The following FAM131B variants were observed in gnomAD, a reference collection of about 807,000 sequenced individuals.
FAM131B encodes the protein family with sequence similarity 131 member B.
FAM131B carries 19 observed loss-of-function variants against 42.0 expected under a neutral mutation model. That is an observed-to-expected ratio of 0.45 (90% CI 0.32 to 0.66). The LOEUF is 0.66. Among genes scored for constraint, FAM131B ranks in the 30% least tolerant of loss-of-function variants. The probability of loss-of-function intolerance (pLI) is 0.05; values close to 1 mark genes in which losing one functional copy is unlikely to be tolerated. For missense variants in FAM131B, 370 were observed against 468.4 expected (o/e 0.79, Z 1.94); for synonymous variants, 183 against 177.6 (o/e 1.03, Z -0.24).
the FAM131B span, among the ~76,000 whole-genome samples, chr7:143,368,743 C>T: frequency 9.1e-4 from 139 of 152,342 alleles, no homozygotes; most frequent in South Asian, 0.028. Flanking sequence ...GATATATTTT[C>T]CTTCTGAGTT....
At chr7:143,375,397 T>C in the FAM131B span, among the ~76,000 whole-genome samples, 1 of 152,178 alleles carries the variant, frequency 6.6e-6, no homozygotes, top group African/African-American at 2.4e-5. Flanking sequence ...CTCAGGCATG[T>C]TGAGAGTCTG....
Position 143,362,654 on chromosome 7 carries a change from G to T in FAM131B, c.-51C>A, listed in dbSNP as rs887866002. Reference sequence around the variant, plus strand: ...CCTCACCGACTCGGGGCGCGCGCCGGGGGGAGCACCGGGAGCCGCGCCGCC... The same window carrying T: ...CCTCACCGACTCGGGGCGCGCGCCGTGGGGAGCACCGGGAGCCGCGCCGCC... On this transcript the variant is annotated 5_prime_UTR_variant, in exon 1 of 7. Transcript: ENST00000443739. The surrounding 1 kb of genome is among the most constrained non-coding windows in gnomAD (Gnocchi z 7.7). 430 of 1,141,872 alleles carry T rather than the reference G, an allele frequency of 3.8e-4. No homozygotes were observed. The highest frequency in any genetic ancestry group is 3.4e-4 in the Middle Eastern group (1 of 2,900). 70.7% of individuals were successfully genotyped at this position (1,141,872 alleles called of 1,614,324 possible). A position where few individuals can be genotyped will look rare whatever the true frequency, so the allele number is the denominator to read the frequency against.
the FAM131B span, among the ~76,000 whole-genome samples, chr7:143,370,362 G>C: frequency 6.6e-6 from 1 of 152,200 alleles, no homozygotes; most frequent in Non-Finnish European, 1.5e-5. Flanking sequence ...GGGCTCCCCT[G>C]TCAGAGGCAA....
the FAM131B span, chr7:143,381,318 C>A: frequency 8.9e-7 from 1 of 1,122,646 alleles, no homozygotes; most frequent in Middle Eastern, 2.6e-4. Flanking sequence ...CCTCCCCGCC[C>A]GGCTGGAGGC....
the FAM131B span, among the ~76,000 whole-genome samples, chr7:143,369,860 G>T: frequency 6.6e-6 from 1 of 152,128 alleles, no homozygotes; most frequent in Non-Finnish European, 1.5e-5. Context: ...TTTTGTGATG[G>T]TGATAAGCTA....
the FAM131B span, chr7:143,381,027 G>T: frequency 7.3e-6 from 2 of 273,470 alleles, no homozygotes; most frequent in Non-Finnish European, 1.1e-5. Context: ...GGGCGGGGAG[G>T]GGGAGGCAGG....
intron 1 of FAM131B, 63 bp from the exon 2 acceptor site, chr7:143,360,212 G>A: frequency 6.4e-7 from 1 of 1,550,980 alleles, no homozygotes; most frequent in Non-Finnish European, 8.7e-7. Flanking sequence ...GCGACACCCT[G>A]GGGCCAGCCC....
Position 143,359,258 on chromosome 7 carries a change from G to A in FAM131B, c.268+68C>T. The A allele has an allele frequency of 7.7e-7, 1 of 1,294,502 alleles. No individual in the cohort carries two copies. Among genetic ancestry groups the A allele is most frequent in the Non-Finnish European group, 1.1e-6 (1 of 902,358 alleles). The allele number at this position is 1,294,502 out of a possible 1,614,324, so 80.2% of individuals were successfully genotyped here. The stretch of plus-strand genomic sequence containing the variant: ...GGTCTTCATCAACCTCGAAGGAGCA[G>A]GGAGACTGAGCCAAGGAGTCTGTCA... On this transcript the variant is annotated intron_variant, in intron 4 of 6. Coordinates refer to ENST00000443739, the MANE Select transcript of FAM131B (RefSeq NM_001031690.3). This position sits in a 1 kb window ranked among gnomAD's most constrained non-coding sequence, Gnocchi z 5.4.
the FAM131B span, among the ~76,000 whole-genome samples, chr7:143,375,196 C>T: frequency 6.6e-6 from 1 of 152,198 alleles, no homozygotes; most frequent in African/African-American, 2.4e-5. Context: ...CTAGAGTGAG[C>T]TTTCAATGGT....
In FAM131B at chr7:143,356,503, C is replaced by A. The variant is rs753493261; in HGVS notation, c.*47G>T. 6.9e-7 allele frequency: 1 copy of A among 1,442,070 alleles called. No homozygotes were observed. The highest frequency in any genetic ancestry group is 9.7e-7 in the Non-Finnish European group (1 of 1,033,458). The allele number at this position is 1,442,070 out of a possible 1,614,324, so 89.3% of individuals were successfully genotyped here. On this transcript the variant is annotated 3_prime_UTR_variant, in exon 7 of 7. Coordinates refer to ENST00000443739, the MANE Select transcript of FAM131B (RefSeq NM_001031690.3). This position sits in a 1 kb window ranked among gnomAD's most constrained non-coding sequence, Gnocchi z 4.4. ...GGGGGAGGGAGGGTATGGGTCACAG[C>A]CATGGCCCTCAGGTGGGAGTGGAAG...
In FAM131B at chr7:143,355,789, C is replaced by G. The variant is rs909755964; in HGVS notation, c.*761G>C. On this transcript the variant is annotated 3_prime_UTR_variant, in exon 7 of 7. Transcript: ENST00000443739. This position sits in a 1 kb window ranked among gnomAD's most constrained non-coding sequence, Gnocchi z 4.1. ...GGGTCTTTTCCCAGATCCTTAGGAT[C>G]TTCCTTTTAGCCATGGGATATTAAA... 3.9e-5 allele frequency: 6 copies of G among 152,382 alleles called. No homozygotes were observed. The highest frequency in any genetic ancestry group is 1.4e-4 in the African/African-American group (6 of 41,448). 9.4% of individuals were successfully genotyped at this position (152,382 alleles called of 1,614,324 possible). A position where few individuals can be genotyped will look rare whatever the true frequency, so the allele number is the denominator to read the frequency against.
At chr7:143,376,370 A>T in the FAM131B span, among the ~76,000 whole-genome samples, 7 of 152,166 alleles carry the variant, frequency 4.6e-5, no homozygotes. Flanking sequence ...TTTTCTTTAT[A>T]TCCAGAGTGC....
chr7:143,372,917 G>A, the FAM131B span, among the ~76,000 whole-genome samples: 5 of 151,790 alleles, frequency 3.3e-5, no homozygotes, highest in East Asian at 3.9e-4. Flanking sequence ...CCGACATTGT[G>A]CCACTGCACT....
chr7:143,360,291 A>T (rs539466099), intron 1 of FAM131B, 142 bp from the exon 2 acceptor site: 1 of 1,463,940 alleles, frequency 6.8e-7, no homozygotes, highest in Admixed American at 2.4e-5. Context: ...ATTCTAGGGG[A>T]GACAAGTAGT....
At chr7:143,380,637 G>A in the FAM131B span, 16 of 985,338 alleles carry the variant, frequency 1.6e-5, no homozygotes, top group Non-Finnish European at 1.8e-5. This position sits in a 1 kb window ranked among gnomAD's most constrained non-coding sequence, Gnocchi z 5.0. Context: ...CTGGGGATGC[G>A]AATTCCTAGA....
the FAM131B span, among the ~76,000 whole-genome samples, chr7:143,373,592 T>C: frequency 6.6e-6 from 1 of 151,976 alleles, no homozygotes; most frequent in East Asian, 1.9e-4. Flanking sequence ...GCTGAGGCGG[T>C]GTGTCCTCAG....
Position 143,353,701 on chromosome 7 carries a change from G to T in FAM131B, c.*2849C>A. The T allele has an allele frequency of 6.6e-6, 1 of 152,504 alleles. No individual in the cohort carries two copies. The highest frequency in any genetic ancestry group is 1.9e-4 in the East Asian group (1 of 5,180). The allele number at this position is 152,504 out of a possible 1,614,324, so 9.4% of individuals were successfully genotyped here. Reference sequence around the variant, plus strand: ...TCCCAGACCTGGAGGATGGTGTGTGGGATGTATAGGTGAGGTCGTGGAGAA... The same window carrying T: ...TCCCAGACCTGGAGGATGGTGTGTGTGATGTATAGGTGAGGTCGTGGAGAA... On this transcript the variant is annotated 3_prime_UTR_variant, in exon 7 of 7. Coordinates refer to ENST00000443739, the MANE Select transcript of FAM131B (RefSeq NM_001031690.3).
the FAM131B span, chr7:143,381,486 C>T: frequency 7.0e-7 from 1 of 1,438,488 alleles, no homozygotes; most frequent in South Asian, 1.4e-5. Context: ...TGGGGGTCAC[C>T]AAGGGGAGCT....
chr7:143,359,384 C>T lies in FAM131B; in HGVS notation c.210G>A (p.Lys70=). 6.2e-7 allele frequency: 1 copy of T among 1,613,752 alleles called. No individual in the cohort carries two copies. Among genetic ancestry groups the T allele is most frequent in the Non-Finnish European group, 8.5e-7 (1 of 1,179,970 alleles). ...CATAGGCGTTAGAGTTTCGCTTAAGCTTCGGAAGAATGGAAGTGGTGTCCT... is the reference window on the plus strand; with the variant it reads ...CATAGGCGTTAGAGTTTCGCTTAAGTTTCGGAAGAATGGAAGTGGTGTCCT... ...SMEDTTSILP[K]LKRNSNAYGI... is the part of the protein sequence containing the mutation. The change falls in exon 4 of 7, where the codon AAG becomes AAA. Residue 70 remains lysine (K), a synonymous_variant. Coordinates refer to ENST00000443739, the MANE Select transcript of FAM131B (RefSeq NM_001031690.3). The surrounding 1 kb of genome is among the most constrained non-coding windows in gnomAD (Gnocchi z 5.4).
Sources: gnomAD v4.1 joint callset for allele counts (sites outside exome capture counted in the v4.1 genomes callset) on GRCh38, gnomAD v4.1.1 for gene constraint, Gnocchi (gnomAD v3.1) non-coding constraint, MANE v1.5 for transcripts, NCBI Gene and HGNC (gene_info 2026-07-23, HGNC 2026-07-21) for gene names.